PARP4: variants seen among roughly 807,000 people sequenced by gnomAD.
The protein encoded by PARP4 is poly(ADP-ribose) polymerase family member 4, also known as protein mono-ADP-ribosyltransferase PARP4.
In PARP4, 120 loss-of-function variants were observed where a neutral mutation model predicts 187.7. The ratio of observed to expected loss-of-function variants is 0.64; its 90% CI spans 0.55 to 0.74. PARP4 has a LOEUF of 0.74. PARP4 is among the 30% of genes least tolerant of loss of function. The probability of loss-of-function intolerance (pLI) is 0.00; values close to 1 mark genes in which losing one functional copy is unlikely to be tolerated. For missense variants in PARP4, 1,836 were observed against 2,070.5 expected, an observed-to-expected ratio of 0.89 and a Z score of 2.20; for synonymous variants, 654 against 740.9, an observed-to-expected ratio of 0.88 and a Z score of 1.90.
At chr13:24,424,862 T>G (rs1479929454) in intron 33 of PARP4, among the ~76,000 whole-genome samples, 1 of 151,744 alleles carries the variant, frequency 6.6e-6, no homozygotes, top group Non-Finnish European at 1.5e-5. Flanking sequence ...TTGTATTTTT[T>G]TTAGTAGAGA....
chr13:24,479,619 G>A (rs1873161888), intron 12 of PARP4, among the ~76,000 whole-genome samples: 2 of 152,126 alleles, frequency 1.3e-5, no homozygotes, highest in African/African-American at 2.4e-5. Flanking sequence ...AGCTAATCTG[G>A]TGGGGAGGTG....
intron 15 of PARP4, among the ~76,000 whole-genome samples, chr13:24,471,995 A>C (rs1872745364): frequency 6.6e-6 from 1 of 152,236 alleles, no homozygotes; most frequent in African/African-American, 2.4e-5. Context: ...TTCAAAGCTA[A>C]GCCTTACAAA....
At chr13:24,495,748 G>C (rs896217156) in intron 6 of PARP4, among the ~76,000 whole-genome samples, 6 of 152,182 alleles carry the variant, frequency 3.9e-5, no homozygotes, top group Admixed American at 2.0e-4. Context: ...TCCCAGATAG[G>C]GGGGCCGCAG....
chr13:24,434,495 A>T lies in PARP4; in HGVS notation c.4646T>A (p.Ile1549Asn). ...TTCTTTTACTTCCAGAAAGCACAGG[A>T]TACTGTCATCTTTTGTATCACATTT... ...QIKCDTKDDS[I>N]LCFLEVKEED... Residue 1549 changes from isoleucine to asparagine, a missense_variant, in exon 31 of 34, where the codon ATC becomes AAC. By Grantham distance (149) the Ile-to-Asn change is moderately radical. Coordinates refer to ENST00000381989, the MANE Select transcript of PARP4 (RefSeq NM_006437.4). The T allele has an allele frequency of 6.2e-7, 1 of 1,613,800 alleles. No homozygotes were observed.
At chr13:24,493,168 G>A (rs1414093099) in intron 8 of PARP4, among the ~76,000 whole-genome samples, 2 of 152,214 alleles carry the variant, frequency 1.3e-5, no homozygotes, top group African/African-American at 4.8e-5. Flanking sequence ...AAGAAGGGAA[G>A]AACATTTTCT....
intron 14 of PARP4, 49 bp from the exon 15 acceptor site, chr13:24,475,645 T>C (rs764713890): frequency 1.9e-6 from 3 of 1,580,290 alleles, no homozygotes; most frequent in Admixed American, 1.7e-5. Flanking sequence ...TCCCTGTCTA[T>C]TTTTGTTATC....
rs764868132 is a variant in PARP4, at chr13:24,501,584, TG to T, written c.334+48del. 2.3e-6 allele frequency: 3 copies of T among 1,282,664 alleles called. No individual in the cohort carries two copies. The South Asian group carries it at 3.6e-5, about 15-fold the overall frequency. The allele number at this position is 1,282,664 out of a possible 1,614,324, so 79.5% of individuals were successfully genotyped here. On this transcript the variant is annotated intron_variant, in intron 3 of 33. Transcript: ENST00000381989. ...ATGGTATCTTTGACAAACCCAAGCG[TG>T]TACTATGGCACCTATGATACGTTAA...
chr13:24,500,244 T>A, intron 4 of PARP4, 72 bp downstream of exon 4: 1 of 751,332 alleles, frequency 1.3e-6, no homozygotes, highest in Non-Finnish European at 2.2e-6. Context: ...AGAATTTTAA[T>A]ACTGTGCTTG....
rs149543712 is a variant in PARP4, at chr13:24,503,734, C to A, written c.43G>T (p.Val15Leu). Residue 15 changes from valine (V) to leucine (L), a missense_variant, in exon 2 of 34, where the codon GTG becomes TTG. Val to Leu is a conservative substitution (Grantham distance 32, BLOSUM62 1). Transcript: ENST00000381989. ...IFANCIFCLK[V>L]KYLPQQQKKK... ...TTCTGCTGCTGAGGTAAGTACTTCACTTTCAAACAGAAGATACAATTTGCA... is the reference window on the plus strand; with the variant it reads ...TTCTGCTGCTGAGGTAAGTACTTCAATTTCAAACAGAAGATACAATTTGCA... The A allele has an allele frequency of 1.2e-6, 2 of 1,614,100 alleles. No individual in the cohort carries two copies. The highest frequency in any genetic ancestry group is 4.5e-5 in the East Asian group (2 of 44,890).
chr13:24,474,843 C>G (rs775428609), intron 15 of PARP4, among the ~76,000 whole-genome samples: 14 of 152,042 alleles, frequency 9.2e-5, no homozygotes, highest in Non-Finnish European at 1.9e-4. Flanking sequence ...GAGTCAAGGA[C>G]AGCATGACCT....
intron 33 of PARP4, among the ~76,000 whole-genome samples, chr13:24,423,624 A>G (rs1283469896): frequency 6.6e-6 from 1 of 152,236 alleles, no homozygotes; most frequent in African/African-American, 2.4e-5. Context: ...TGGCAAACTA[A>G]TGAGAAGGTA....
At position 24,480,055 on chromosome 13, in the gene PARP4, C is replaced by T. The variant is rs554248264; in HGVS notation, c.1449-1779G>A. ...CGAACCCACCAGAAGGAAGAAACTCCGAACACATCTGAACATCAGAAGGAA... is the reference window on the plus strand; with the variant it reads ...CGAACCCACCAGAAGGAAGAAACTCTGAACACATCTGAACATCAGAAGGAA... On this transcript the variant is annotated intron_variant, in intron 12 of 33. Coordinates refer to ENST00000381989, the MANE Select transcript of PARP4 (RefSeq NM_006437.4). Among the ~76,000 whole-genome samples, 13 of 149,156 alleles carry T rather than the reference C, an allele frequency of 8.7e-5. No individual in the cohort carries two copies. The South Asian group carries it at 1.7e-3, about 19-fold the overall frequency.
chr13:24,449,192 T>C (rs1459893720), intron 25 of PARP4, among the ~76,000 whole-genome samples: 5 of 151,994 alleles, frequency 3.3e-5, no homozygotes, highest in Admixed American at 6.6e-5. Flanking sequence ...ATCAAGACCA[T>C]CCTGGCTAAC....
intron 17 of PARP4, 112 bp downstream of exon 17, chr13:24,468,912 G>C: frequency 2.5e-6 from 2 of 805,376 alleles, no homozygotes; most frequent in Non-Finnish European, 4.2e-6. Flanking sequence ...GAACTCTGGG[G>C]CCTACAACAG....
chr13:24,509,810 C>T (rs1462395013), intron 1 of PARP4, among the ~76,000 whole-genome samples: 3 of 152,044 alleles, frequency 2.0e-5, no homozygotes, highest in African/African-American at 7.2e-5. Context: ...AAGTAATTCT[C>T]GTGCCTCAGC....
chr13:24,420,961 TAG>T lies in PARP4; in HGVS notation c.*156_*157del, dbSNP rs1869711329. 2.0e-5 allele frequency: 17 copies of T among 855,274 alleles called. No homozygotes were observed. Among genetic ancestry groups the T allele is most frequent in the Non-Finnish European group, 2.8e-5 (17 of 617,154 alleles). 53.0% of individuals were successfully genotyped at this position (855,274 alleles called of 1,614,324 possible). A position where few individuals can be genotyped will look rare whatever the true frequency, so the allele number is the denominator to read the frequency against. Reference sequence around the variant, plus strand: ...TAAGTTTCATTTTATTATTGCTTGTTAGTTGATTAAAGTAATTCTTCTTCCAC... The same window carrying T: ...TAAGTTTCATTTTATTATTGCTTGTTTTGATTAAAGTAATTCTTCTTCCAC... On this transcript the variant is annotated 3_prime_UTR_variant, in exon 34 of 34. Transcript: ENST00000381989.
intron 7 of PARP4, 68 bp downstream of exon 7, chr13:24,494,505 T>C (rs1362768240): frequency 7.1e-7 from 1 of 1,405,522 alleles, no homozygotes; most frequent in Non-Finnish European, 9.8e-7. Context: ...GTCTTTTATT[T>C]GTAATAGAGA....
chr13:24,437,388 T>C (rs1870685749), intron 30 of PARP4, among the ~76,000 whole-genome samples: 1 of 151,998 alleles, frequency 6.6e-6, no homozygotes, highest in South Asian at 2.1e-4. Flanking sequence ...TTGACTGCAT[T>C]AAAAAATCTG....
intron 17 of PARP4, among the ~76,000 whole-genome samples, 189 bp downstream of exon 17, chr13:24,468,835 G>GACA (rs1872606137): frequency 6.6e-6 from 1 of 151,692 alleles, no homozygotes; most frequent in East Asian, 1.9e-4. Context: ...AACTACTGAT[G>GACA]CTGTTTCCTC....
Sources: gnomAD v4.1 joint callset for allele counts (sites outside exome capture counted in the v4.1 genomes callset) on GRCh38, gnomAD v4.1.1 for gene constraint, MANE v1.5 for transcripts, NCBI Gene and HGNC (gene_info 2026-07-23, HGNC 2026-07-21) for gene names.